The following MVK variants were observed in gnomAD, a reference collection of about 807,000 sequenced individuals.
The protein encoded by MVK is LH receptor mRNA-binding protein.
A neutral mutation model predicts 43.2 loss-of-function variants in MVK; 34 were observed. That is an observed-to-expected ratio of 0.79 (90% CI 0.60 to 1.05). The LOEUF is 1.05. Ranked by LOEUF, MVK falls within the 50% of genes least tolerant of loss-of-function variation. The pLI, the probability that MVK is intolerant of heterozygous loss-of-function variation, is 0.00. For missense variants in MVK, 395 were observed against 504.0 expected (o/e 0.78, Z 2.07); for synonymous variants, 190 against 219.8 (o/e 0.86, Z 1.20).
intron 9 of MVK, among the ~76,000 whole-genome samples, chr12:109,591,645 A>C (rs1048577896): frequency 6.6e-6 from 1 of 152,154 alleles, no homozygotes; most frequent in Non-Finnish European, 1.5e-5. Flanking sequence ...ACTTCTAAGG[A>C]GCTCTGGCCC....
chr12:109,580,566 A>G (rs1399502847), intron 4 of MVK, among the ~76,000 whole-genome samples: 2 of 152,170 alleles, frequency 1.3e-5, no homozygotes, highest in African/African-American at 4.8e-5. Context: ...TGCCGTCCGA[A>G]GCAGAATTTC....
At position 109,581,410 on chromosome 12, in the gene MVK, G is replaced by C. The variant is rs1264565671; in HGVS notation, c.387G>C (p.Leu129=). Residue 129 remains leucine, a synonymous_variant, in exon 5 of 11, where the codon CTG becomes CTC. Transcript: ENST00000228510. The part of the protein sequence containing the change: ...ICRKQRALPS[L]DIVVWSELPP... ...TGTGTTTCAGGGCCCTGCCGAGCCT[G>C]GATATCGTAGTGTGGTCGGAGCTGC... 6.2e-7 allele frequency: 1 copy of C among 1,614,062 alleles called. No individual in the cohort carries two copies. Among genetic ancestry groups the C allele is most frequent in the Non-Finnish European group, 8.5e-7 (1 of 1,180,030 alleles).
chr12:109,573,291 G>A (rs1053347096), upstream of MVK: 6 of 1,608,874 alleles, frequency 3.7e-6, no homozygotes, highest in African/African-American at 6.7e-5. Context: ...TACCCATGGC[G>A]ACGACACCAC....
intron 1 of MVK, among the ~76,000 whole-genome samples, chr12:109,574,251 A>C (rs765749031): frequency 2.2e-4 from 33 of 152,204 alleles, no homozygotes; most frequent in Non-Finnish European, 3.8e-4. Flanking sequence ...ATACTCATTT[A>C]AGTGTGCAAA....
chr12:109,597,957 A>T lies in MVK; in HGVS notation c.*1380A>T, dbSNP rs749621694. On this transcript the variant is annotated 3_prime_UTR_variant, in exon 11 of 11. Coordinates refer to ENST00000228510, the MANE Select transcript of MVK (RefSeq NM_000431.4). The stretch of plus-strand genomic sequence containing the variant: ...AGGAGCCGAGCTCCACCCCCACGCC[A>T]GCCTTGGGCCCGGCCTGGGATCACT... 2 of 152,204 alleles carry T rather than the reference A, an allele frequency of 1.3e-5. No homozygotes were observed. The highest frequency in any genetic ancestry group is 2.9e-5 in the Non-Finnish European group (2 of 68,052). 9.4% of individuals were successfully genotyped at this position (152,204 alleles called of 1,614,324 possible). A position where few individuals can be genotyped will look rare whatever the true frequency, so the allele number is the denominator to read the frequency against.
At chr12:109,582,020 G>A (rs1307353175) in intron 5 of MVK, among the ~76,000 whole-genome samples, 1 of 152,184 alleles carries the variant, frequency 6.6e-6, no homozygotes, top group Non-Finnish European at 1.5e-5. Flanking sequence ...TCCACATTAG[G>A]GGGTGTGCCC....
Position 109,591,315 on chromosome 12 carries a change from G to A in MVK, c.843G>A (p.Glu281=), listed in dbSNP as rs758317084. ...ISLECERVLG[E]MGEAPAPEQY... ...TGGAGTGTGAGCGCGTGCTGGGAGA[G>A]ATGGGGGAAGCCCCAGCCCCGGAGC... The change falls in exon 9 of 11, where the codon GAG becomes GAA. Residue 281 remains glutamate (E), a synonymous_variant. Transcript: ENST00000228510. 1 of 1,614,236 alleles carries A rather than the reference G, an allele frequency of 6.2e-7. No homozygotes were observed. Among genetic ancestry groups the A allele is most frequent in the South Asian group, 1.1e-5 (1 of 91,082 alleles).
chr12:109,581,309 G>A, intron 4 of MVK, 86 bp from the exon 5 acceptor site: 1 of 1,566,962 alleles, frequency 6.4e-7, no homozygotes, highest in Non-Finnish European at 8.8e-7. Flanking sequence ...GATGCTTGGA[G>A]TCAGGCCTGG....
chr12:109,578,382 C>A (rs1399390894), intron 3 of MVK, among the ~76,000 whole-genome samples: 1 of 152,022 alleles, frequency 6.6e-6, no homozygotes, highest in Non-Finnish European at 1.5e-5. Flanking sequence ...TAAGCACATA[C>A]CACTGCACCG....
intron 7 of MVK, 23 bp from the exon 8 acceptor site, chr12:109,590,748 C>A: frequency 6.2e-7 from 1 of 1,610,826 alleles, no homozygotes; most frequent in Non-Finnish European, 8.5e-7. Context: ...TCAGTGTGGA[C>A]CTGCCTCCTC....
At chr12:109,574,674 T>C in intron 1 of MVK, 135 bp from the exon 2 acceptor site, 1 of 760,022 alleles carries the variant, frequency 1.3e-6, no homozygotes, top group Non-Finnish European at 2.3e-6. Flanking sequence ...ATTGCCTTTC[T>C]GGTACGTAGC....
chr12:109,583,685 C>T (rs1885319720), intron 5 of MVK, among the ~76,000 whole-genome samples: 1 of 152,164 alleles, frequency 6.6e-6, no homozygotes, highest in Admixed American at 6.5e-5. Flanking sequence ...CTGACTTCCA[C>T]AATGGTTGAA....
At chr12:109,593,853 G>A (rs1885797993) in intron 9 of MVK, among the ~76,000 whole-genome samples, 1 of 151,478 alleles carries the variant, frequency 6.6e-6, no homozygotes, top group African/African-American at 2.4e-5. Context: ...GAGTAGCTGG[G>A]ATTACAGGCA....
At chr12:109,594,915 C>T (rs1409868917) in intron 9 of MVK, 113 bp from the exon 10 acceptor site, 4 of 1,329,540 alleles carry the variant, frequency 3.0e-6, no homozygotes, top group East Asian at 2.3e-5. Context: ...TAGGCAAAGC[C>T]GTTGGCTGTC....
rs530109459 is a variant in MVK, at chr12:109,585,761, AAAAAAAAG to A, written c.528-253_528-246del. Among the ~76,000 whole-genome samples the A allele has an allele frequency of 9.9e-5, 15 of 152,092 alleles. No individual in the cohort carries two copies. In the East Asian group the frequency reaches 1.7e-3, roughly 18 times the overall value. Reference sequence around the variant, plus strand: ...GGTGACAGAGTGAGACTCCGTCTCAAAAAAAAAGAAAAAAAAAGAGGCAAAGTAGGACC... The same window carrying A: ...GGTGACAGAGTGAGACTCCGTCTCAAAAAAAAAAAGAGGCAAAGTAGGACC... On this transcript the variant is annotated intron_variant, in intron 5 of 10. Transcript: ENST00000228510.
chr12:109,581,591 G>A lies in MVK; in HGVS notation c.527+41G>A, dbSNP rs752255529. The stretch of plus-strand genomic sequence containing the variant: ...ACCTGGCCAGTGTCCCTCCCGCACG[G>A]CAGGACAGGGACGTGGCTTCTCTCA... On this transcript the variant is annotated intron_variant, in intron 5 of 10. Transcript: ENST00000228510. 3.1e-6 allele frequency: 5 copies of A among 1,613,680 alleles called. No homozygotes were observed. In the African/African-American group the frequency reaches 5.3e-5, roughly 17 times the overall value.
In MVK at chr12:109,586,807, G is replaced by A; in HGVS notation, c.677+8G>A. On this transcript the variant is annotated splice_region_variant and intron_variant, in intron 7 of 10. Transcript: ENST00000228510. ...GATTTCATCCTTAAAGAGGTAACCT[G>A]GGGGTGGAGCAGCACATTCAGCCAT... 6.2e-7 allele frequency: 1 copy of A among 1,613,904 alleles called. No individual in the cohort carries two copies. The highest frequency in any genetic ancestry group is 8.5e-7 in the Non-Finnish European group (1 of 1,179,866).
chr12:109,585,695 G>C (rs1399230494), intron 5 of MVK, among the ~76,000 whole-genome samples: 1 of 152,164 alleles, frequency 6.6e-6, no homozygotes, highest in East Asian at 1.9e-4. Flanking sequence ...CTTGAACCCG[G>C]GAGAAAGTGA....
At chr12:109,580,854 G>A (rs983903721) in intron 4 of MVK, among the ~76,000 whole-genome samples, 7 of 152,098 alleles carry the variant, frequency 4.6e-5, no homozygotes, top group African/African-American at 9.7e-5. Context: ...GAGAGGCCCC[G>A]GTGAACACAC....
Sources: allele counts gnomAD v4.1 joint callset (sites outside exome capture counted in the v4.1 genomes callset), GRCh38; gene constraint gnomAD v4.1.1; transcripts MANE v1.5; gene names NCBI Gene and HGNC (gene_info 2026-07-23, HGNC 2026-07-21).